CDH12: variants seen among roughly 807,000 people sequenced by gnomAD.
The protein encoded by CDH12 is cadherin-12.
Under a neutral mutation model 74.1 loss-of-function variants are expected in CDH12, and 41 were observed. The ratio of observed to expected loss-of-function variants is 0.55; its 90% CI spans 0.43 to 0.72. The LOEUF (loss-of-function observed/expected upper bound fraction) is 0.72. Ranked by LOEUF, CDH12 falls within the 30% of genes least tolerant of loss-of-function variation. The pLI, the probability that CDH12 is intolerant of heterozygous loss-of-function variation, is 0.00. For synonymous variants in CDH12, 399 were observed against 355.0 expected (o/e 1.12, Z -1.39); for missense variants, 945 against 977.2 (o/e 0.97, Z 0.44).
intron 2 of CDH12, among the ~76,000 whole-genome samples, chr5:22,418,040 G>T (rs778481083): frequency 6.6e-6 from 1 of 152,048 alleles, no homozygotes; most frequent in Admixed American, 6.6e-5. Context: ...ATTACTTTGG[G>T]CAGTATGGCC....
intron 1 of CDH12, among the ~76,000 whole-genome samples, chr5:22,793,599 A>T (rs2126391878): frequency 6.6e-6 from 1 of 152,348 alleles, no homozygotes; most frequent in Admixed American, 6.5e-5. Flanking sequence ...TAATGCTTTC[A>T]TGAAAAGCAA....
intron 3 of CDH12, among the ~76,000 whole-genome samples, chr5:22,354,581 T>C (rs1196036528): frequency 6.6e-6 from 1 of 152,116 alleles, no homozygotes; most frequent in Non-Finnish European, 1.5e-5. Context: ...TTAAGTTGAG[T>C]ACAGATATCT....
chr5:22,575,474 C>A (rs578103450), intron 1 of CDH12, among the ~76,000 whole-genome samples: 8 of 152,118 alleles, frequency 5.3e-5, no homozygotes, highest in Admixed American at 4.6e-4. Flanking sequence ...CTCTCTGCAG[C>A]CTCCATCTCC....
chr5:21,769,029 C>G (rs1745177510), intron 11 of CDH12, among the ~76,000 whole-genome samples: 1 of 152,004 alleles, frequency 6.6e-6, no homozygotes, highest in Non-Finnish European at 1.5e-5. Context: ...ACAAGGCTAT[C>G]TCAATAGGCT....
chr5:21,812,178 G>T (rs1391340151), intron 9 of CDH12, among the ~76,000 whole-genome samples: 1 of 152,032 alleles, frequency 6.6e-6, no homozygotes, highest in Non-Finnish European at 1.5e-5. Context: ...AACAAAGCAT[G>T]TCATGCCTCA....
At chr5:22,805,176 T>A (rs187913843) in intron 1 of CDH12, among the ~76,000 whole-genome samples, 2 of 152,258 alleles carry the variant, frequency 1.3e-5, no homozygotes, top group Admixed American at 6.5e-5. Context: ...TATATCATTA[T>A]GTTGGGAGAC....
At chr5:22,486,447 T>C (rs1299074738) in intron 2 of CDH12, among the ~76,000 whole-genome samples, 1 of 84,052 alleles carries the variant, frequency 1.2e-5, no homozygotes, top group African/African-American at 4.0e-5. Flanking sequence ...TAACTAGTAA[T>C]TTTTTTTTTT....
chr5:22,675,537 C>A (rs894269082), intron 1 of CDH12, among the ~76,000 whole-genome samples: 1 of 152,108 alleles, frequency 6.6e-6, no homozygotes, highest in Non-Finnish European at 1.5e-5. Flanking sequence ...AGACTTTGGA[C>A]TGTGGACTTT....
intron 7 of CDH12, among the ~76,000 whole-genome samples, chr5:21,852,660 A>G (rs1750534402): frequency 6.6e-6 from 1 of 151,460 alleles, no homozygotes. Flanking sequence ...CCTTCATTCT[A>G]AGAGAATACT....
intron 6 of CDH12, among the ~76,000 whole-genome samples, chr5:21,897,397 T>C (rs948886361): frequency 1.3e-5 from 2 of 152,196 alleles, no homozygotes; most frequent in Non-Finnish European, 2.9e-5. Context: ...CTTGATATTT[T>C]ATGAAAAAAG....
chr5:21,983,086 T>C (rs573652367), intron 5 of CDH12, among the ~76,000 whole-genome samples: 10 of 152,262 alleles, frequency 6.6e-5, no homozygotes, highest in Non-Finnish European at 1.3e-4. Flanking sequence ...ACACTTTTTC[T>C]TGGATGTTAT....
At chr5:22,303,663 T>G (rs958387300) in intron 3 of CDH12, among the ~76,000 whole-genome samples, 1 of 152,136 alleles carries the variant, frequency 6.6e-6, no homozygotes, top group Admixed American at 6.5e-5. Context: ...CAAATACTCA[T>G]AGAATCATGG....
At chr5:22,665,374 G>A (rs566124068) in intron 1 of CDH12, among the ~76,000 whole-genome samples, 2 of 152,220 alleles carry the variant, frequency 1.3e-5, no homozygotes, top group South Asian at 4.2e-4. Flanking sequence ...GAGACTTAAG[G>A]GGAGCAAAAA....
intron 2 of CDH12, among the ~76,000 whole-genome samples, chr5:22,480,318 C>T (rs1387049183): frequency 6.6e-6 from 1 of 151,548 alleles, no homozygotes; most frequent in Non-Finnish European, 1.5e-5. Context: ...TGTGGTGGCT[C>T]ACGCCTGTAA....
chr5:22,831,424 G>A (rs1736606739), intron 1 of CDH12, among the ~76,000 whole-genome samples: 2 of 150,404 alleles, frequency 1.3e-5, no homozygotes, highest in Middle Eastern at 3.4e-3. Context: ...AAAAGTACAA[G>A]ACAGAGCATG....
intron 1 of CDH12, among the ~76,000 whole-genome samples, chr5:22,825,242 A>G (rs1241383459): frequency 1.3e-5 from 2 of 152,070 alleles, no homozygotes; most frequent in Non-Finnish European, 2.9e-5. Flanking sequence ...GTGTGTGTAC[A>G]TTTGTACAAA....
At chr5:21,802,475 A>C in intron 9 of CDH12, 55 bp from the exon 10 acceptor site, 1 of 1,436,674 alleles carries the variant, frequency 7.0e-7, no homozygotes, top group Non-Finnish European at 9.8e-7. Context: ...ATGTGGCAGA[A>C]ATGGTGAACA....
At chr5:22,367,907 C>A (rs1203200877) in intron 3 of CDH12, among the ~76,000 whole-genome samples, 1 of 152,056 alleles carries the variant, frequency 6.6e-6, no homozygotes, top group Non-Finnish European at 1.5e-5. Context: ...ATAAATGTGA[C>A]AAATTAACAC....
intron 1 of CDH12, among the ~76,000 whole-genome samples, chr5:22,696,528 ATGTTTT>A (rs1340446518): frequency 6.6e-6 from 1 of 152,174 alleles, no homozygotes; most frequent in Non-Finnish European, 1.5e-5. Context: ...GTATTAATAC[ATGTTTT>A]TAATACACTT....
Sources: gnomAD v4.1 joint callset for allele counts (sites outside exome capture counted in the v4.1 genomes callset) on GRCh38, gnomAD v4.1.1 for gene constraint, MANE v1.5 for transcripts, NCBI Gene and HGNC (gene_info 2026-07-23, HGNC 2026-07-21) for gene names.